ZFHX3: variants seen among roughly 807,000 people sequenced by gnomAD.
ZFHX3 encodes zinc finger homeobox 3, also known as zinc finger homeobox protein 3.
In ZFHX3, 42 loss-of-function variants were observed where a neutral mutation model predicts 279.1. The observed-to-expected ratio is 0.15, with a 90% CI of 0.12 to 0.19. ZFHX3 has a LOEUF of 0.19. Ranked by LOEUF, ZFHX3 falls within the 10% of genes least tolerant of loss-of-function variation. The pLI, the probability that ZFHX3 is intolerant of heterozygous loss-of-function variation, is 1.00. For synonymous variants in ZFHX3, 2,293 were observed against 1,957.8 expected, an observed-to-expected ratio of 1.17 and a Z score of -4.52; for missense variants, 4,981 against 4,754.0, an observed-to-expected ratio of 1.05 and a Z score of -1.40.
intron 1 of ZFHX3, among the ~76,000 whole-genome samples, chr16:72,991,771 TC>T (rs1414934798): frequency 2.0e-5 from 3 of 152,156 alleles, no homozygotes; most frequent in African/African-American, 7.2e-5. Flanking sequence ...TTTTCCATCA[TC>T]TTTTTTCAGG....
At chr16:73,808,250 T>A (rs1298372316) in intron 1 of ZFHX3, among the ~76,000 whole-genome samples, 1 of 152,202 alleles carries the variant, frequency 6.6e-6, no homozygotes, top group East Asian at 1.9e-4. Context: ...ACAACTTCTT[T>A]GTGAGAATAA....
intron 7 of ZFHX3, chr16:73,127,483 T>G: frequency 7.7e-7 from 1 of 1,305,398 alleles, no homozygotes; most frequent in Non-Finnish European, 1.0e-6. Flanking sequence ...ACAGGCAAGA[T>G]CACTGGTCCC....
chr16:73,044,559 C>T (rs1965224684), intron 1 of ZFHX3, among the ~76,000 whole-genome samples: 1 of 152,040 alleles, frequency 6.6e-6, no homozygotes, highest in Non-Finnish European at 1.5e-5. Flanking sequence ...AAGGCTAAAT[C>T]CTTAGAGCTG....
intron 1 of ZFHX3, among the ~76,000 whole-genome samples, chr16:73,689,662 T>G (rs1002124073): frequency 6.6e-6 from 1 of 152,186 alleles, no homozygotes; most frequent in Non-Finnish European, 1.5e-5. Flanking sequence ...GAAGGCCATA[T>G]AGGCAGTTCT....
chr16:73,260,696 T>G (rs1298292869), intron 4 of ZFHX3, among the ~76,000 whole-genome samples: 18 of 141,138 alleles, frequency 1.3e-4, no homozygotes, highest in South Asian at 2.3e-4. Flanking sequence ...TTTTTTTTTT[T>G]TTTTTTTTTT....
chr16:73,331,595 G>A (rs774390968), intron 3 of ZFHX3, among the ~76,000 whole-genome samples: 5 of 152,164 alleles, frequency 3.3e-5, no homozygotes, highest in Non-Finnish European at 7.3e-5. Context: ...CCCATGAGAT[G>A]CAGTTAAGAG....
intron 3 of ZFHX3, among the ~76,000 whole-genome samples, chr16:72,908,157 G>A (rs1274803628): frequency 6.6e-6 from 1 of 152,162 alleles, no homozygotes; most frequent in Non-Finnish European, 1.5e-5. Context: ...CCCCCAGTGA[G>A]ACTGGAAGGT....
In ZFHX3 at chr16:72,797,483, TTGTTGC is replaced by T. The variant is rs763330965; in HGVS notation, c.5193_5198del (p.Gln1740_Gln1741del). 566 of 1,597,250 alleles carry T rather than the reference TTGTTGC, an allele frequency of 3.5e-4. No individual in the cohort carries two copies. Among genetic ancestry groups the T allele is most frequent in the Non-Finnish European group, 4.6e-4 (535 of 1,172,436 alleles). On this transcript the variant is annotated inframe_deletion, in exon 9 of 10. Coordinates refer to ENST00000268489, the MANE Select transcript of ZFHX3 (RefSeq NM_006885.4). The stretch of plus-strand genomic sequence containing the variant: ...CTTGTTGTTGTTGTTGTTGTTGTTG[TTGTTGC>T]TGTTGCTGCTGCTGTTGTTGCTGCT...
chr16:73,117,171 TTC>T (rs1253312909), intron 7 of ZFHX3, among the ~76,000 whole-genome samples: 3 of 152,252 alleles, frequency 2.0e-5, no homozygotes, highest in Non-Finnish European at 4.4e-5. Context: ...GTTTTTTCTT[TTC>T]TTTTTCCTTC....
At chr16:73,576,496 C>G (rs980102186) in intron 2 of ZFHX3, among the ~76,000 whole-genome samples, 4 of 152,178 alleles carry the variant, frequency 2.6e-5, no homozygotes, top group Middle Eastern at 6.8e-3. Context: ...AGTATGTGGA[C>G]AGATAATTAT....
chr16:73,592,030 A>G (rs138464893), intron 2 of ZFHX3, among the ~76,000 whole-genome samples: 3,474 of 151,916 alleles, frequency 0.023, 118 homozygotes, highest in East Asian at 0.11. Flanking sequence ...TCGGGAGTTC[A>G]AGACCAGCCT....
At chr16:73,190,648 T>C (rs371570828) in intron 5 of ZFHX3, among the ~76,000 whole-genome samples, 28 of 152,314 alleles carry the variant, frequency 1.8e-4, no homozygotes, top group African/African-American at 6.7e-4. Context: ...CACTTTTCTG[T>C]CTCCATTTCC....
Position 73,316,934 on chromosome 16 carries a change from T to G in ZFHX3, c.-1194+1306A>C, listed in dbSNP as rs74521587. Among the ~76,000 whole-genome samples, 1,294 of 152,304 alleles carry G rather than the reference T, an allele frequency of 8.5e-3. 8 individuals carry two copies. Among genetic ancestry groups the G allele is most frequent in the Non-Finnish European group, 0.013 (913 of 68,030 alleles). ...CCTGGCTGATTTTGGTATCATGCTG[T>G]TGGCCCTTTTGTGAGATGTGTAAAG... is the stretch of plus-strand genomic sequence containing the variant. On this transcript the variant is annotated intron_variant, in intron 4 of 17. Transcript: ENST00000641206.
chr16:73,566,169 C>T (rs1031983483), intron 2 of ZFHX3, among the ~76,000 whole-genome samples: 5 of 152,218 alleles, frequency 3.3e-5, no homozygotes, highest in African/African-American at 1.2e-4. Context: ...GGCAGGAAGG[C>T]CCTGGTCCCA....
intron 3 of ZFHX3, among the ~76,000 whole-genome samples, chr16:72,929,208 A>C (rs1959654056): frequency 6.6e-6 from 1 of 151,616 alleles, no homozygotes; most frequent in South Asian, 2.1e-4. Context: ...ACTGCACTCC[A>C]GCCTGGGCGA....
In ZFHX3 at chr16:73,227,387, C is replaced by T. The variant is rs895582518; in HGVS notation, c.-1104+29660G>A. On this transcript the variant is annotated intron_variant, in intron 5 of 17. Transcript: ENST00000641206. ...AGCTCCAGGTAGAGTGCAGAACTTT[C>T]TACTTATAGGAGAGAAAATTTTCTG... Among the ~76,000 whole-genome samples the T allele has an allele frequency of 2.0e-5, 3 of 152,108 alleles. 1 individual carries two copies. Among genetic ancestry groups the T allele is most frequent in the African/African-American group, 7.2e-5 (3 of 41,426 alleles).
At chr16:73,728,007 C>T (rs1018626677) in intron 1 of ZFHX3, among the ~76,000 whole-genome samples, 7 of 67,310 alleles carry the variant, frequency 1.0e-4, no homozygotes, top group East Asian at 5.7e-4. Context: ...TTTTATGAGC[C>T]GAATTGTGCC....
chr16:73,049,517 G>A (rs1017592795), upstream of ZFHX3, among the ~76,000 whole-genome samples: 2 of 152,344 alleles, frequency 1.3e-5, no homozygotes, highest in East Asian at 1.9e-4. Context: ...TCAGATTAAT[G>A]TAAGTATCTA....
intron 2 of ZFHX3, among the ~76,000 whole-genome samples, chr16:73,590,030 G>T (rs1382050603): frequency 6.6e-6 from 1 of 152,106 alleles, no homozygotes; most frequent in Non-Finnish European, 1.5e-5. Flanking sequence ...TAGTGTTAGT[G>T]TTGTTATGCT....
Sources: gnomAD v4.1 joint callset for allele counts (sites outside exome capture counted in the v4.1 genomes callset) on GRCh38, gnomAD v4.1.1 for gene constraint, MANE v1.5 for transcripts, NCBI Gene and HGNC (gene_info 2026-07-23, HGNC 2026-07-21) for gene names.